The following ZBTB20 variants were observed in gnomAD, a reference collection of about 807,000 sequenced individuals.
ZBTB20 encodes the protein zinc finger and BTB domain containing 20.
A neutral mutation model predicts 56.9 loss-of-function variants in ZBTB20; 9 were observed. That is an observed-to-expected ratio of 0.16 (90% CI 0.10 to 0.28). The LOEUF (loss-of-function observed/expected upper bound fraction) is 0.28, where lower values mean the gene tolerates loss of function less well. Ranked by LOEUF, ZBTB20 falls within the 10% of genes least tolerant of loss-of-function variation. The pLI is 1.00. For missense variants in ZBTB20, 655 were observed against 1,003.0 expected (o/e 0.65, Z 4.69); for synonymous variants, 417 against 420.7 (o/e 0.99, Z 0.11).
At chr3:114,590,269 A>G (rs2055610456) in intron 6 of ZBTB20, among the ~76,000 whole-genome samples, 1 of 152,058 alleles carries the variant, frequency 6.6e-6, no homozygotes, top group Non-Finnish European at 1.5e-5. Context: ...AAGAACGGCC[A>G]ACATGGTGAA....
intron 7 of ZBTB20, among the ~76,000 whole-genome samples, chr3:114,432,045 G>A (rs1056846815): frequency 6.6e-6 from 1 of 152,112 alleles, no homozygotes; most frequent in Non-Finnish European, 1.5e-5. Flanking sequence ...TATACAGACA[G>A]CAGAGAGAGG....
rs1399329997 is a variant in ZBTB20 at position 114,350,271 on chromosome 3, C to T, written c.1804+3G>A. The T allele has an allele frequency of 1.3e-6, 2 of 1,593,498 alleles. No homozygotes were observed. Among genetic ancestry groups the T allele is most frequent in the South Asian group, 1.1e-5 (1 of 88,526 alleles). Reference sequence around the variant, plus strand: ...CCAGGCCTCCAGGTGGGGTGACACTCACCTGTGTGTACGAACATGTGCTTG... The same window carrying T: ...CCAGGCCTCCAGGTGGGGTGACACTTACCTGTGTGTACGAACATGTGCTTG... On this transcript the variant is annotated splice_donor_region_variant and intron_variant, in intron 11 of 11. Coordinates refer to ENST00000675478, the MANE Select transcript of ZBTB20 (RefSeq NM_001348800.3).
chr3:114,858,792 C>T (rs2075359827), intron 4 of ZBTB20, among the ~76,000 whole-genome samples: 1 of 152,086 alleles, frequency 6.6e-6, no homozygotes, highest in African/African-American at 2.4e-5. Context: ...AGACAAATTA[C>T]ACCAAAATAT....
intron 10 of ZBTB20, among the ~76,000 whole-genome samples, chr3:114,355,244 T>C (rs2081123717): frequency 6.6e-6 from 1 of 152,128 alleles, no homozygotes; most frequent in African/African-American, 2.4e-5. Context: ...ATCTAAACAA[T>C]CAAGTTATCT....
chr3:114,922,626 G>A (rs1488702980), intron 3 of ZBTB20, among the ~76,000 whole-genome samples: 10 of 152,018 alleles, frequency 6.6e-5, no homozygotes. Flanking sequence ...AAGTTTTTTT[G>A]GCTCATGGCT....
intron 3 of ZBTB20, chr3:114,904,345 C>T (rs1229511632): frequency 2.6e-5 from 4 of 152,016 alleles, no homozygotes; most frequent in East Asian, 3.9e-4. Flanking sequence ...GTGGGTACAA[C>T]CACTCCATAG....
Position 114,329,638 on chromosome 3 carries a change from T to C in ZBTB20, c.*9367A>G, listed in dbSNP as rs1199716586. The C allele has an allele frequency of 6.9e-6, 1 of 144,912 alleles. No homozygotes were observed. Among genetic ancestry groups the C allele is most frequent in the African/African-American group, 2.6e-5 (1 of 39,164 alleles). 9.0% of individuals were successfully genotyped at this position (144,912 alleles called of 1,614,324 possible). On this transcript the variant is annotated 3_prime_UTR_variant, in exon 12 of 12. Transcript: ENST00000675478. ...CAGATTTAAAAATGTCTCAGATAGA[T>C]ATTTCCAAATTCTATTTCTATTAGC...
chr3:114,848,865 C>A (rs765864504), intron 4 of ZBTB20, among the ~76,000 whole-genome samples: 1 of 152,214 alleles, frequency 6.6e-6, no homozygotes, highest in Non-Finnish European at 1.5e-5. Context: ...CAGGTGGATG[C>A]CTTCCTACAA....
intron 4 of ZBTB20, among the ~76,000 whole-genome samples, chr3:114,818,888 GATAATTTA>G: frequency 6.6e-6 from 1 of 151,928 alleles, no homozygotes; most frequent in Non-Finnish European, 1.5e-5. Context: ...TTTGTTAGGA[GATAATTTA>G]ATAACTTTGA....
chr3:114,651,892 G>A (rs2060155971), intron 6 of ZBTB20, among the ~76,000 whole-genome samples: 2 of 151,998 alleles, frequency 1.3e-5, no homozygotes, highest in African/African-American at 4.8e-5. Flanking sequence ...CTTGGAATCA[G>A]AGCAATAGGC....
rs564189383 is a variant in ZBTB20 at position 114,335,845 on chromosome 3, G to A, written c.*3160C>T. 2.6e-5 allele frequency: 4 copies of A among 152,052 alleles called. No individual in the cohort carries two copies. Among genetic ancestry groups the A allele is most frequent in the Admixed American group, 6.5e-5 (1 of 15,268 alleles). The allele number at this position is 152,052 out of a possible 1,614,324, so 9.4% of individuals were successfully genotyped here. On this transcript the variant is annotated 3_prime_UTR_variant, in exon 12 of 12. Coordinates refer to ENST00000675478, the MANE Select transcript of ZBTB20 (RefSeq NM_001348800.3). ...TTTTAAGAGACACTTCCTTTACAGGGAAAGGATGATAGACTCCTCAGGGTT... is the reference window on the plus strand; with the variant it reads ...TTTTAAGAGACACTTCCTTTACAGGAAAAGGATGATAGACTCCTCAGGGTT...
At chr3:114,821,837 G>C (rs879443741) in intron 4 of ZBTB20, among the ~76,000 whole-genome samples, 4 of 151,916 alleles carry the variant, frequency 2.6e-5, no homozygotes, top group African/African-American at 4.8e-5. Context: ...TCTGAGTTTC[G>C]GGTTTATGGA....
chr3:114,769,359 T>A (rs2069010297), intron 5 of ZBTB20, among the ~76,000 whole-genome samples: 1 of 151,660 alleles, frequency 6.6e-6, no homozygotes, highest in South Asian at 2.1e-4. Flanking sequence ...GAAACTGTGG[T>A]GTGCATATAT....
chr3:114,427,285 C>A (rs1392013896), intron 7 of ZBTB20, among the ~76,000 whole-genome samples: 1 of 152,146 alleles, frequency 6.6e-6, no homozygotes, highest in East Asian at 1.9e-4. Flanking sequence ...TAAATTTACA[C>A]ACCAAGAAGT....
chr3:114,609,896 C>T (rs1484157267), intron 6 of ZBTB20, among the ~76,000 whole-genome samples: 1 of 152,154 alleles, frequency 6.6e-6, no homozygotes, highest in African/African-American at 2.4e-5. Context: ...TTTTGAGAGT[C>T]TATCTCTGCT....
chr3:114,426,383 C>T (rs2089673189), intron 7 of ZBTB20, among the ~76,000 whole-genome samples: 2 of 149,828 alleles, frequency 1.3e-5, no homozygotes. Flanking sequence ...TGCCTCCTCA[C>T]TCCAAACATA....
intron 2 of ZBTB20, among the ~76,000 whole-genome samples, chr3:115,035,965 C>T (rs2080899898): frequency 6.6e-6 from 1 of 151,844 alleles, no homozygotes; most frequent in African/African-American, 2.4e-5. Flanking sequence ...TGAAATAAAG[C>T]CAAACACAAA....
chr3:114,907,215 G>A (rs371823264), intron 3 of ZBTB20, among the ~76,000 whole-genome samples: 1 of 32,644 alleles, frequency 3.1e-5, no homozygotes. Context: ...GCAGCAGAAT[G>A]TAGTTAGGCT....
intron 5 of ZBTB20, among the ~76,000 whole-genome samples, chr3:114,703,261 G>T (rs1384827357): frequency 6.6e-6 from 1 of 152,056 alleles, no homozygotes; most frequent in Non-Finnish European, 1.5e-5. Context: ...GGAGGAACAC[G>T]TATTCTGGTC....
Sources: gnomAD v4.1 joint callset for allele counts (sites outside exome capture counted in the v4.1 genomes callset) on GRCh38, gnomAD v4.1.1 for gene constraint, MANE v1.5 for transcripts, NCBI Gene and HGNC (gene_info 2026-07-23, HGNC 2026-07-21) for gene names.